OXR1: variants seen among roughly 807,000 people sequenced by gnomAD.
OXR1 encodes the protein oxidation resistance 1.
A neutral mutation model predicts 104.6 loss-of-function variants in OXR1; 41 were observed. The observed-to-expected ratio is 0.39, with a 90% CI of 0.31 to 0.51. OXR1 has a LOEUF of 0.51. OXR1 is among the 20% of genes least tolerant of loss of function. OXR1 has a pLI of 0.77. For missense variants in OXR1, 955 were observed against 1,031.9 expected (o/e 0.93, Z 1.02); for synonymous variants, 348 against 348.4 (o/e 1.00, Z 0.01).
chr8:106,365,413 G>A (rs1229009199), intron 2 of OXR1, among the ~76,000 whole-genome samples: 3 of 137,032 alleles, frequency 2.2e-5, no homozygotes, highest in Non-Finnish European at 4.7e-5. Context: ...TAAATTAAGA[G>A]AAAATAACCT....
At chr8:106,559,050 T>G (rs150332936) in intron 3 of OXR1, among the ~76,000 whole-genome samples, 64 of 152,320 alleles carry the variant, frequency 4.2e-4, no homozygotes, top group African/African-American at 1.4e-3. Context: ...TCTTGCATTT[T>G]TCTATAATCA....
At chr8:106,659,979 AGAGGCGTTGT>A (rs1481089553) in intron 3 of OXR1, among the ~76,000 whole-genome samples, 3 of 152,228 alleles carry the variant, frequency 2.0e-5, no homozygotes, top group Admixed American at 6.5e-5. Flanking sequence ...GACACATTAG[AGAGGCGTTGT>A]GAGGTCAAAG....
intron 2 of OXR1, among the ~76,000 whole-genome samples, chr8:106,475,173 C>A (rs376498592): frequency 6.6e-6 from 1 of 151,824 alleles, no homozygotes; most frequent in Non-Finnish European, 1.5e-5. Context: ...TTTTGACTCC[C>A]CTTAAAACTT....
intron 2 of OXR1, among the ~76,000 whole-genome samples, chr8:106,438,058 A>G (rs1009157967): frequency 3.3e-5 from 5 of 152,150 alleles, no homozygotes; most frequent in Non-Finnish European, 7.4e-5. Flanking sequence ...CAGGACAAAC[A>G]CCCACTTTAG....
chr8:106,399,985 A>G (rs1817935496), intron 2 of OXR1, among the ~76,000 whole-genome samples: 1 of 152,168 alleles, frequency 6.6e-6, no homozygotes, highest in African/African-American at 2.4e-5. Flanking sequence ...TACATAAAGC[A>G]ATTATATGTG....
At chr8:106,505,052 T>C (rs903778794) in intron 2 of OXR1, among the ~76,000 whole-genome samples, 5 of 152,202 alleles carry the variant, frequency 3.3e-5, no homozygotes, top group Non-Finnish European at 5.9e-5. Flanking sequence ...GTGTATTCAG[T>C]CATAATTTTC....
chr8:106,487,212 C>T (rs554073140), intron 2 of OXR1, among the ~76,000 whole-genome samples: 7 of 151,480 alleles, frequency 4.6e-5, no homozygotes, highest in South Asian at 2.1e-4. Flanking sequence ...TTAGTAGAGA[C>T]GGGGTTTCAC....
rs576420536 is a variant in OXR1 at position 106,392,276 on chromosome 8, A to G, written c.23+32640A>G. 2.8e-4 allele frequency among the ~76,000 whole-genome samples: 42 copies of G among 152,310 alleles called. No homozygotes were observed. The East Asian group carries it at 6.7e-3, about 24-fold the overall frequency. On this transcript the variant is annotated intron_variant, in intron 2 of 16. Transcript: ENST00000517566. ...GTGCAAAGGACCAAAGGATGGTCCT[A>G]TTTACTCTAGTGGAGGACAATGGAA...
intron 2 of OXR1, among the ~76,000 whole-genome samples, chr8:106,491,883 T>A (rs1205015670): frequency 6.6e-6 from 1 of 152,178 alleles, no homozygotes; most frequent in African/African-American, 2.4e-5. Context: ...TTGTCACCTT[T>A]AGTATGTTAC....
At chr8:106,360,183 G>T (rs1215320109) in intron 2 of OXR1, among the ~76,000 whole-genome samples, 1 of 151,932 alleles carries the variant, frequency 6.6e-6, no homozygotes, top group African/African-American at 2.4e-5. Context: ...AGCTGTTTGG[G>T]ATTTAAAAAA....
At position 106,706,692 on chromosome 8, in the gene OXR1, C is replaced by T. The variant is rs761843959; in HGVS notation, c.1171C>T (p.Pro391Ser). Residue 391 changes from proline to serine, a missense_variant, in exon 9 of 17, where the codon CCT (proline) becomes TCT (serine). Pro to Ser is a moderately conservative substitution (Grantham distance 74, BLOSUM62 -1). Transcript: ENST00000517566. ...LTVKSESTGT[P>S]GHLRSDTEHS... ...AGTCAAATCAGAATCTACTGGTACT[C>T]CTGGTCACTTAAGATCTGATACTGA... is the stretch of plus-strand genomic sequence containing the variant. The T allele has an allele frequency of 1.1e-5, 18 of 1,613,060 alleles. No homozygotes were observed. In the South Asian group the frequency reaches 1.5e-4, roughly 14 times the overall value.
chr8:106,311,750 A>G (rs950156722), intron 1 of OXR1, among the ~76,000 whole-genome samples: 2 of 152,072 alleles, frequency 1.3e-5, no homozygotes, highest in African/African-American at 4.8e-5. Flanking sequence ...CTATTCCTGC[A>G]CCCTTTTCTG....
rs914424012 is a variant in OXR1, at chr8:106,427,778, A to G, written c.23+68142A>G. On this transcript the variant is annotated intron_variant, in intron 2 of 16. Coordinates refer to ENST00000517566, the MANE Select transcript of OXR1 (RefSeq NM_001198533.2). ...TAGATGAAAGGCTAGTGATAAATCA[A>G]TATGTGATATCTCAATGTAGAATAA... Among the ~76,000 whole-genome samples the G allele has an allele frequency of 2.0e-5, 3 of 152,216 alleles. No homozygotes were observed. The East Asian group carries it at 5.8e-4, about 29-fold the overall frequency.
intron 7 of OXR1, among the ~76,000 whole-genome samples, chr8:106,701,148 G>A (rs1039706253): frequency 6.6e-6 from 1 of 152,088 alleles, no homozygotes; most frequent in Non-Finnish European, 1.5e-5. Context: ...AATTGAAAGA[G>A]AAATAGGCTG....
chr8:106,276,211 G>C (rs1285826442), intron 1 of OXR1, among the ~76,000 whole-genome samples: 1 of 152,204 alleles, frequency 6.6e-6, no homozygotes, highest in African/African-American at 2.4e-5. Context: ...GCTGTAGTCT[G>C]TTTTACAGAA....
chr8:106,719,487 A>G (rs1212851346), intron 11 of OXR1, among the ~76,000 whole-genome samples: 1 of 152,250 alleles, frequency 6.6e-6, no homozygotes, highest in African/African-American at 2.4e-5. Context: ...TGTAATATGT[A>G]CAGTATGTAT....
At chr8:106,448,077 T>G in intron 2 of OXR1, 1 of 1,535,306 alleles carries the variant, frequency 6.5e-7, no homozygotes, top group Non-Finnish European at 8.7e-7. Flanking sequence ...CCTCCATCTG[T>G]TGTTACTTCC....
intron 1 of OXR1, among the ~76,000 whole-genome samples, chr8:106,350,623 C>T (rs1411335754): frequency 6.6e-6 from 1 of 152,164 alleles, no homozygotes; most frequent in Non-Finnish European, 1.5e-5. Context: ...AGGTTACCAT[C>T]TGTGCTGATC....
intron 2 of OXR1, among the ~76,000 whole-genome samples, chr8:106,465,737 C>A (rs1022234051): frequency 6.6e-6 from 1 of 151,898 alleles, no homozygotes; most frequent in Non-Finnish European, 1.5e-5. Context: ...CTGTCATTAG[C>A]AATATGAGAA....
Sources: allele counts gnomAD v4.1 joint callset (sites outside exome capture counted in the v4.1 genomes callset), GRCh38; gene constraint gnomAD v4.1.1; transcripts MANE v1.5; gene names NCBI Gene and HGNC (gene_info 2026-07-23, HGNC 2026-07-21).